Variants in MUC4 observed in about 807,000 individuals in gnomAD.
The protein encoded by MUC4 is mucin-4.
MUC4 carries 202 observed loss-of-function variants against 257.9 expected under a neutral mutation model. That is an observed-to-expected ratio of 0.78 (90% CI 0.70 to 0.88). The LOEUF is 0.88. MUC4 is among the 40% of genes least tolerant of loss of function. The pLI is 0.00. For synonymous variants in MUC4, 2,351 were observed against 2,757.1 expected (o/e 0.85, Z 4.62); for missense variants, 5,976 against 6,513.7 (o/e 0.92, Z 2.84).
chr3:195,810,376 C>G lies in MUC4; in HGVS notation c.82+1360G>C, dbSNP rs1163465524. ...TGAGACTCTAACCCCAGCTTGAACT[C>G]TGGACCCCAGACTCTCCCCCAAAGA... On this transcript the variant is annotated intron_variant, in intron 1 of 24. Coordinates refer to ENST00000463781, the MANE Select transcript of MUC4 (RefSeq NM_018406.7). This position sits in a 1 kb window ranked among gnomAD's most constrained non-coding sequence, Gnocchi z 4.2. The G allele has an allele frequency of 1.3e-5, 2 of 152,446 alleles. No individual in the cohort carries two copies. Among genetic ancestry groups the G allele is most frequent in the Non-Finnish European group, 1.5e-5 (1 of 68,226 alleles). 9.4% of individuals were successfully genotyped at this position (152,446 alleles called of 1,614,324 possible). A position where few individuals can be genotyped will look rare whatever the true frequency, so the allele number is the denominator to read the frequency against.
rs381955 is a variant in MUC4, at chr3:195,749,297, T to G, written c.15872-233A>C. ...CCTTACCAAGGGATGGTGCTTCCTA[T>G]GGAAAAAGTTTCCTAGGGAAAAAGG... On this transcript the variant is annotated intron_variant, in intron 23 of 24. Coordinates refer to ENST00000463781, the MANE Select transcript of MUC4 (RefSeq NM_018406.7). Among the ~76,000 whole-genome samples, 172 of 70,460 alleles carry G rather than the reference T, an allele frequency of 2.4e-3. No homozygotes were observed. The East Asian group carries it at 0.027, about 11-fold the overall frequency. The allele number at this position is 70,460 out of a possible 152,430, so 46.2% of individuals were successfully genotyped here. A position where few individuals can be genotyped will look rare whatever the true frequency, so the allele number is the denominator to read the frequency against.
Position 195,788,648 on chromosome 3 carries a change from G to C in MUC4, c.2932C>G (p.Pro978Ala), listed in dbSNP as rs374820402. The change falls in exon 2 of 25, where the codon CCT (proline) becomes GCT (alanine). Residue 978 changes from proline (P) to alanine (A), a missense_variant. Pro to Ala is a conservative substitution (Grantham distance 27). Transcript: ENST00000463781. Reference protein sequence around the residue: ...TALISNATPLPVTYASSASTG... With the variant: ...TALISNATPLAVTYASSASTG... ...GATGCCGAGGAAGCGTAGGTGACAG[G>C]AAGAGGGGTGGCGTTGCTGATGAGG... 7.5e-6 allele frequency: 12 copies of C among 1,610,240 alleles called. No individual in the cohort carries two copies. Among genetic ancestry groups the C allele is most frequent in the East Asian group, 4.5e-5 (2 of 44,802 alleles).
At chr3:195,760,029 C>T (rs1326562046) in intron 16 of MUC4, among the ~76,000 whole-genome samples, 1 of 152,044 alleles carries the variant, frequency 6.6e-6, no homozygotes, top group Non-Finnish European at 1.5e-5. Context: ...TTCTCGGAGC[C>T]CTGCCATTTC....
intron 7 of MUC4, among the ~76,000 whole-genome samples, chr3:195,767,898 T>TCAC (rs1204867152): frequency 2.7e-5 from 2 of 75,068 alleles, no homozygotes; most frequent in South Asian, 4.0e-4. Flanking sequence ...ACCACCACCA[T>TCAC]CACCACCATC....
At chr3:195,776,818 G>GCCCATACCTTCCAC (rs1724907366) in intron 3 of MUC4, among the ~76,000 whole-genome samples, 3 of 45,216 alleles carry the variant, frequency 6.6e-5, no homozygotes, top group Non-Finnish European at 1.3e-4. Context: ...TACCTTCCAC[G>GCCCATACCTTCCAC]GCCATACCTT....
chr3:195,778,240 T>A (rs1725450352), intron 3 of MUC4, 63 bp downstream of exon 3: 2 of 1,514,228 alleles, frequency 1.3e-6, no homozygotes, highest in South Asian at 2.6e-5. Context: ...GGAAGTAGGC[T>A]GAGAGGGAGC....
chr3:195,764,975 T>C (rs756166899), intron 10 of MUC4, 22 bp downstream of exon 10: 1 of 1,610,326 alleles, frequency 6.2e-7, no homozygotes, highest in South Asian at 1.1e-5. Flanking sequence ...GAAGGTGGGG[T>C]TGAGATCACG....
At position 195,751,194 on chromosome 3, in the gene MUC4, C is replaced by T. The variant is rs1396680032; in HGVS notation, c.15647+13G>A. Reference sequence around the variant, plus strand: ...AGAGATCTGGGGGCTTAGGGGGACACAGTCCCACTTACATTCGTTCCACTT... The same window carrying T: ...AGAGATCTGGGGGCTTAGGGGGACATAGTCCCACTTACATTCGTTCCACTT... On this transcript the variant is annotated intron_variant, in intron 22 of 24. Coordinates refer to ENST00000463781, the MANE Select transcript of MUC4 (RefSeq NM_018406.7). 1.3e-6 allele frequency: 2 copies of T among 1,589,804 alleles called. No individual in the cohort carries two copies. The highest frequency in any genetic ancestry group is 4.5e-5 in the East Asian group (2 of 43,976).
Position 195,779,211 on chromosome 3 carries a change from T to G in MUC4, c.12369A>C (p.Thr4123=), listed in dbSNP as rs201272097. ...TGACAGGAAGAGGGGTGGCCTGACC[T>G]GTGGATGCAGAGGAAGTGTCGGTGA... ...LPVTDTSSAS[T]GQATPLPVTS... is the part of the protein sequence containing the mutation. Residue 4123 remains threonine (T), a synonymous_variant, in exon 2 of 25, where the codon ACA becomes ACC. Coordinates refer to ENST00000463781, the MANE Select transcript of MUC4 (RefSeq NM_018406.7). 133 of 1,291,140 alleles carry G rather than the reference T, an allele frequency of 1.0e-4. 3 individuals are homozygous for G. The African/African-American group carries it at 1.9e-3, about 18-fold the overall frequency. The allele number at this position is 1,291,140 out of a possible 1,614,324, so 80.0% of individuals were successfully genotyped here. A position where few individuals can be genotyped will look rare whatever the true frequency, so the allele number is the denominator to read the frequency against.
intron 1 of MUC4, among the ~76,000 whole-genome samples, chr3:195,798,242 G>A (rs1304587582): frequency 6.6e-6 from 1 of 152,150 alleles, no homozygotes; most frequent in Non-Finnish European, 1.5e-5. Context: ...TCTAACAAAA[G>A]ATGTGCTTAA....
chr3:195,763,847 C>T (rs1214772527), intron 11 of MUC4, among the ~76,000 whole-genome samples, 198 bp downstream of exon 11: 8 of 152,176 alleles, frequency 5.3e-5, no homozygotes, highest in African/African-American at 1.2e-4. Flanking sequence ...CTTGCATTTT[C>T]GTGCCCCGCT....
In MUC4 at chr3:195,760,583, C is replaced by T. The variant is rs9713908; in HGVS notation, c.14848+301G>A. 7.9e-4 allele frequency among the ~76,000 whole-genome samples: 30 copies of T among 37,960 alleles called. 1 individual carries two copies. Among genetic ancestry groups the T allele is most frequent in the African/African-American group, 1.1e-3 (16 of 14,440 alleles). 24.9% of individuals were successfully genotyped at this position (37,960 alleles called of 152,430 possible). A position where few individuals can be genotyped will look rare whatever the true frequency, so the allele number is the denominator to read the frequency against. ...GATGGAGTGGAGGGGGCTGGGAAGG[C>T]GTCCAGCGCTAGTATGGAGTGAAGG... On this transcript the variant is annotated intron_variant, in intron 16 of 24. Coordinates refer to ENST00000463781, the MANE Select transcript of MUC4 (RefSeq NM_018406.7).
rs768537191 is a variant in MUC4 at position 195,789,675 on chromosome 3, G to C, written c.1905C>G (p.Ser635=). ...STSPQESPAV[S]QRGHTQAPQT... The stretch of plus-strand genomic sequence containing the variant: ...GCGGGGCTTGAGTGTGACCCCTTTG[G>C]GAAACAGCTGGTGATTCCTGAGGAG... The change falls in exon 2 of 25, where the codon TCC becomes TCG. Residue 635 remains serine, a synonymous_variant. Coordinates refer to ENST00000463781, the MANE Select transcript of MUC4 (RefSeq NM_018406.7). 2 of 1,613,968 alleles carry C rather than the reference G, an allele frequency of 1.2e-6. No individual in the cohort carries two copies. The highest frequency in any genetic ancestry group is 1.7e-6 in the Non-Finnish European group (2 of 1,179,878).
rs775124718 is a variant in MUC4 at position 195,783,919 on chromosome 3, G to C, written c.7661C>G (p.Ser2554Cys). Reference protein sequence around the residue: ...SLHVTSPSSASTGHATSLPVT... With the variant: ...SLHVTSPSSACTGHATSLPVT... ...AGGAAGAGAGGTGGCGTGACCTGTG[G>C]ATGCTGAGGAAGGGCTGGTGACATG... Residue 2554 changes from serine (S) to cysteine (C), a missense_variant, in exon 2 of 25, where the codon TCC becomes TGC. Coordinates refer to ENST00000463781, the MANE Select transcript of MUC4 (RefSeq NM_018406.7). 125 of 1,522,008 alleles carry C rather than the reference G, an allele frequency of 8.2e-5. No individual in the cohort carries two copies. Among genetic ancestry groups the C allele is most frequent in the Non-Finnish European group, 1.1e-4 (120 of 1,131,786 alleles). 94.3% of individuals were successfully genotyped at this position (1,522,008 alleles called of 1,614,324 possible). A position where few individuals can be genotyped will look rare whatever the true frequency, so the allele number is the denominator to read the frequency against.
In MUC4 at chr3:195,788,998, G is replaced by C. The variant is rs775541516; in HGVS notation, c.2582C>G (p.Thr861Arg). ...SASHGAIPVS[T>R]GMASSIVPGT... ...GGGGACGATCGAAGACGCCATTCCT[G>C]TGCTTACTGGGATGGCACCATGACT... The change falls in exon 2 of 25, where the codon ACA becomes AGA. Residue 861 changes from threonine (T) to arginine (R), a missense_variant. This residue lies in a region of MUC4 where 1,583 missense variants were observed against 1,257.4 expected (regional missense o/e 1.26). Coordinates refer to ENST00000463781, the MANE Select transcript of MUC4 (RefSeq NM_018406.7). The C allele has an allele frequency of 1.2e-6, 2 of 1,613,836 alleles. No individual in the cohort carries two copies. Among genetic ancestry groups the C allele is most frequent in the Non-Finnish European group, 1.7e-6 (2 of 1,179,844 alleles).
In MUC4 at chr3:195,790,341, A is replaced by G; in HGVS notation, c.1239T>C (p.Ser413=). The part of the protein sequence containing the change: ...TLGNTEETSL[S]VSGTISAITS... ...TGATTGCAGAAATGGTTCCACTTAC[A>G]GATAGTGATGTCTCCTCTGTGTTTC... Residue 413 remains serine, a synonymous_variant, in exon 2 of 25, where the codon TCT becomes TCC. Coordinates refer to ENST00000463781, the MANE Select transcript of MUC4 (RefSeq NM_018406.7). The G allele has an allele frequency of 6.2e-7, 1 of 1,613,990 alleles. No homozygotes were observed. Among genetic ancestry groups the G allele is most frequent in the Non-Finnish European group, 8.5e-7 (1 of 1,179,846 alleles).
In MUC4 at chr3:195,754,319, G is replaced by A. The variant is rs915177457; in HGVS notation, c.15222C>T (p.Ser5074=). ...GGTFGRYCEG[S]EDACEEPCFP... ...AGCACGGCTCCTCACAGGCATCCTCGGAGCCCTCGCAGTAGCGGCCGAAGG... is the reference window on the plus strand; with the variant it reads ...AGCACGGCTCCTCACAGGCATCCTCAGAGCCCTCGCAGTAGCGGCCGAAGG... The change falls in exon 19 of 25, where the codon TCC becomes TCT. Residue 5074 remains serine (S), a synonymous_variant. Coordinates refer to ENST00000463781, the MANE Select transcript of MUC4 (RefSeq NM_018406.7). 1.8e-5 allele frequency: 29 copies of A among 1,612,938 alleles called. No homozygotes were observed. Among genetic ancestry groups the A allele is most frequent in the Middle Eastern group, 1.8e-4 (1 of 5,550 alleles).
At chr3:195,763,055 A>T (rs1719577690) in intron 12 of MUC4, 110 bp from the exon 13 acceptor site, 4 of 943,062 alleles carry the variant, frequency 4.2e-6, no homozygotes, top group Non-Finnish European at 6.5e-6. Context: ...GGCCGGGAGG[A>T]AGGCGCTGGA....
At chr3:195,767,557 ACCATTG>A (rs780062311) in intron 7 of MUC4, among the ~76,000 whole-genome samples, 28 of 39,322 alleles carry the variant, frequency 7.1e-4, no homozygotes, top group Admixed American at 2.5e-3. Context: ...CATCACCATT[ACCATTG>A]CCACCACCAT....
Sources: allele counts gnomAD v4.1 joint callset (sites outside exome capture counted in the v4.1 genomes callset), GRCh38; gene constraint gnomAD v4.1.1; regional missense constraint gnomAD v4.1.1; non-coding constraint Gnocchi (gnomAD v3.1); transcripts MANE v1.5; gene names NCBI Gene and HGNC (gene_info 2026-07-23, HGNC 2026-07-21).